STEAP1B: variants seen among roughly 807,000 people sequenced by gnomAD.
STEAP1B encodes the protein STEAP family protein MGC87042.
Under a neutral mutation model 27.9 loss-of-function variants are expected in STEAP1B, and 13 were observed. The ratio of observed to expected loss-of-function variants is 0.47; its 90% CI spans 0.30 to 0.74. STEAP1B has a LOEUF of 0.74. Among genes scored for constraint, STEAP1B ranks in the 30% least tolerant of loss-of-function variants. The pLI is 0.06. For missense variants in STEAP1B, 250 were observed against 298.7 expected (o/e 0.84, Z 1.20); for synonymous variants, 86 against 107.1 (o/e 0.80, Z 1.22).
At chr7:22,474,471 C>A (rs1785938162) in intron 4 of STEAP1B, among the ~76,000 whole-genome samples, 1 of 152,226 alleles carries the variant, frequency 6.6e-6, no homozygotes, top group Admixed American at 6.5e-5. Flanking sequence ...TGTGTAATTT[C>A]TATGGGAAAC....
At chr7:22,480,476 C>T (rs1311267462) in intron 4 of STEAP1B, among the ~76,000 whole-genome samples, 1 of 152,156 alleles carries the variant, frequency 6.6e-6, no homozygotes, top group Non-Finnish European at 1.5e-5. Flanking sequence ...GCCCGGCTGC[C>T]AAGATGGATT....
rs1399214323 is a variant in STEAP1B at position 22,464,961 on chromosome 7, A to ATATATATATATATATATATATATATATG, written c.762+27603_762+27604insCATATATATATATATATATATATATATA. Among the ~76,000 whole-genome samples the ATATATATATATATATATATATATATATG allele has an allele frequency of 9.4e-5, 12 of 127,918 alleles. 1 individual carries two copies. Among genetic ancestry groups the ATATATATATATATATATATATATATATG allele is most frequent in the African/African-American group, 3.4e-4 (12 of 35,448 alleles). 83.9% of individuals were successfully genotyped at this position (127,918 alleles called of 152,430 possible). On this transcript the variant is annotated intron_variant, in intron 4 of 4. Transcript: ENST00000678116. Reference sequence around the variant, plus strand: ...AGTACCAAACCCCATATATATATATATATGTAGGCACAATAAGAGATTAAC... The same window carrying ATATATATATATATATATATATATATATG: ...AGTACCAAACCCCATATATATATATATATATATATATATATATATATATATATGTATGTAGGCACAATAAGAGATTAAC...
intron 4 of STEAP1B, among the ~76,000 whole-genome samples, chr7:22,466,266 T>C (rs1193975532): frequency 6.6e-6 from 1 of 152,224 alleles, no homozygotes; most frequent in Non-Finnish European, 1.5e-5. Context: ...TTCAGATTTG[T>C]TACATGGATA....
intron 4 of STEAP1B, among the ~76,000 whole-genome samples, chr7:22,444,518 T>C (rs963131861): frequency 3.9e-5 from 6 of 152,308 alleles, no homozygotes; most frequent in Admixed American, 2.6e-4. Context: ...CCAGGGACCA[T>C]GGACTCTTTG....
intron 4 of STEAP1B, chr7:22,492,344 AAAAGG>A: frequency 6.8e-6 from 2 of 293,644 alleles, no homozygotes; most frequent in East Asian, 1.0e-4. Context: ...AAAAAAAAAA[AAAAGG>A]ATATTTTAAT....
intron 4 of STEAP1B, among the ~76,000 whole-genome samples, chr7:22,434,386 G>A (rs1331262698): frequency 1.3e-5 from 2 of 152,110 alleles, no homozygotes; most frequent in African/African-American, 2.4e-5. Flanking sequence ...GATCCCACAT[G>A]GGCCCCATAG....
In STEAP1B at chr7:22,424,948, T is replaced by C. The variant is rs955673837; in HGVS notation, c.763-5112A>G. Among the ~76,000 whole-genome samples the C allele has an allele frequency of 2.7e-4, 41 of 150,374 alleles. No homozygotes were observed. In the East Asian group the frequency reaches 2.9e-3, roughly 11 times the overall value. On this transcript the variant is annotated intron_variant, in intron 4 of 4. Coordinates refer to ENST00000678116, the MANE Select transcript of STEAP1B (RefSeq NM_001382447.1). Reference sequence around the variant, plus strand: ...GGATCATTTCAATTAATAAAAAATATGTAGAAAAAATGCTAGAAGGAACTA... The same window carrying C: ...GGATCATTTCAATTAATAAAAAATACGTAGAAAAAATGCTAGAAGGAACTA...
At chr7:22,487,390 A>G (rs1038431515) in intron 4 of STEAP1B, among the ~76,000 whole-genome samples, 1 of 152,242 alleles carries the variant, frequency 6.6e-6, no homozygotes, top group Admixed American at 6.5e-5. Context: ...TGTCACCATG[A>G]TCACAGGTCT....
At chr7:22,459,479 C>A (rs1306600176) in intron 4 of STEAP1B, among the ~76,000 whole-genome samples, 1 of 152,134 alleles carries the variant, frequency 6.6e-6, no homozygotes, top group East Asian at 1.9e-4. Flanking sequence ...GATTGGGTAC[C>A]ACGGCCATAA....
chr7:22,439,297 T>A (rs1400140982), intron 4 of STEAP1B, among the ~76,000 whole-genome samples: 1 of 152,208 alleles, frequency 6.6e-6, no homozygotes, highest in Non-Finnish European at 1.5e-5. Flanking sequence ...TTATTCCAAG[T>A]CCGTACATAC....
chr7:22,435,027 T>A (rs1785236769), intron 4 of STEAP1B, among the ~76,000 whole-genome samples: 2 of 152,200 alleles, frequency 1.3e-5, no homozygotes, highest in Non-Finnish European at 2.9e-5. Context: ...AGGAACTGAA[T>A]TTTAAATTTT....
chr7:22,495,414 C>T (rs71528606), intron 1 of STEAP1B: 34,518 of 151,952 alleles, frequency 0.23, 4,087 homozygotes, highest in Non-Finnish European at 0.24. Flanking sequence ...TGTGAATTGC[C>T]AGTATGTTTC....
At chr7:22,448,225 T>C (rs1274299994) in intron 4 of STEAP1B, among the ~76,000 whole-genome samples, 2 of 152,228 alleles carry the variant, frequency 1.3e-5, no homozygotes, top group African/African-American at 2.4e-5. Context: ...GATGTAATTA[T>C]GGCACGTAGT....
At chr7:22,496,619 G>A (rs34192363) in intron 1 of STEAP1B, among the ~76,000 whole-genome samples, 51,792 of 152,020 alleles carry the variant, frequency 0.34, 8,886 homozygotes, top group Middle Eastern at 0.5. Context: ...ACTTACTATT[G>A]TGTTTCAACT....
At chr7:22,460,401 C>G (rs1362208768) in intron 4 of STEAP1B, among the ~76,000 whole-genome samples, 1 of 150,888 alleles carries the variant, frequency 6.6e-6, no homozygotes, top group Non-Finnish European at 1.5e-5. Flanking sequence ...GGAGAGCATT[C>G]AAGGAAGGAC....
chr7:22,441,098 T>C (rs1445768406), intron 4 of STEAP1B, among the ~76,000 whole-genome samples: 3 of 152,186 alleles, frequency 2.0e-5, no homozygotes, highest in East Asian at 3.9e-4. Context: ...GTTTTATTTT[T>C]ATATTTTTAA....
chr7:22,498,864 G>A (rs1395249316), intron 1 of STEAP1B, among the ~76,000 whole-genome samples: 3 of 152,198 alleles, frequency 2.0e-5, no homozygotes, highest in African/African-American at 7.2e-5. Flanking sequence ...CCAGCCATTT[G>A]TCTGCATGGT....
chr7:22,424,495 T>C (rs1319067568), intron 4 of STEAP1B, among the ~76,000 whole-genome samples: 3 of 152,184 alleles, frequency 2.0e-5, no homozygotes, highest in Non-Finnish European at 4.4e-5. Context: ...TTTAAGAACA[T>C]TATTTCATAC....
intron 4 of STEAP1B, among the ~76,000 whole-genome samples, chr7:22,489,136 C>T (rs999689783): frequency 1.3e-5 from 2 of 152,142 alleles, no homozygotes; most frequent in Non-Finnish European, 2.9e-5. Flanking sequence ...ATCGCCTGCA[C>T]GTGACTTCAC....
Sources: gnomAD v4.1 joint callset for allele counts (sites outside exome capture counted in the v4.1 genomes callset) on GRCh38, gnomAD v4.1.1 for gene constraint, MANE v1.5 for transcripts, NCBI Gene and HGNC (gene_info 2026-07-23, HGNC 2026-07-21) for gene names.